The following KAT6B variants were observed in gnomAD, a reference collection of about 807,000 sequenced individuals.
KAT6B encodes the protein lysine acetyltransferase 6B, also known as histone acetyltransferase KAT6B.
KAT6B carries 10 observed loss-of-function variants against 187.5 expected under a neutral mutation model. The ratio of observed to expected loss-of-function variants is 0.05; its 90% CI spans 0.03 to 0.09. KAT6B has a LOEUF of 0.09. Among genes scored for constraint, KAT6B ranks in the 10% least tolerant of loss-of-function variants. The pLI is 1.00. For synonymous variants in KAT6B, 861 were observed against 926.8 expected, an observed-to-expected ratio of 0.93 and a Z score of 1.29; for missense variants, 1,952 against 2,558.9, an observed-to-expected ratio of 0.76 and a Z score of 5.12.
chr10:74,890,693 T>C (rs1303599104), intron 3 of KAT6B, among the ~76,000 whole-genome samples: 1 of 152,184 alleles, frequency 6.6e-6, no homozygotes, highest in Non-Finnish European at 1.5e-5. Context: ...GAGCTGAGAA[T>C]GCCAAGTTTA....
Position 75,020,661 on chromosome 10 carries a change from G to A in KAT6B, c.2709G>A (p.Leu903=), listed in dbSNP as rs2134153691. Residue 903 remains leucine (L), a synonymous_variant, in exon 14 of 18, where the codon CTG becomes CTA. Coordinates refer to ENST00000287239, the MANE Select transcript of KAT6B (RefSeq NM_012330.4). ...CCGATCTGGGCCGTCTCTCCTACCT[G>A]GCATATTGGAAGAGCGTCATCTTGG... is the stretch of plus-strand genomic sequence containing the variant. ...PLSDLGRLSY[L]AYWKSVILEY... is the part of the protein sequence containing the mutation. 7 of 1,614,188 alleles carry A rather than the reference G, an allele frequency of 4.3e-6. No homozygotes were observed. The highest frequency in any genetic ancestry group is 5.9e-6 in the Non-Finnish European group (7 of 1,180,026).
intron 3 of KAT6B, among the ~76,000 whole-genome samples, chr10:74,924,008 G>A (rs1848321836): frequency 6.6e-6 from 1 of 152,136 alleles, no homozygotes; most frequent in Admixed American, 6.5e-5. Context: ...TTTTGAAGTA[G>A]AGCCCGCAGA....
At chr10:74,958,112 G>T (rs868368080) in intron 3 of KAT6B, among the ~76,000 whole-genome samples, 1 of 152,224 alleles carries the variant, frequency 6.6e-6, no homozygotes, top group African/African-American at 2.4e-5. Context: ...TAAACAATTT[G>T]TGAATGTTTG....
chr10:75,008,734 T>C (rs903190128), intron 13 of KAT6B, among the ~76,000 whole-genome samples: 1 of 152,228 alleles, frequency 6.6e-6, no homozygotes, highest in African/African-American at 2.4e-5. Context: ...TGAATTTGTT[T>C]TAAACATTGT....
chr10:74,999,074 A>T (rs1181307307), intron 13 of KAT6B, among the ~76,000 whole-genome samples: 1 of 152,274 alleles, frequency 6.6e-6, no homozygotes, highest in Admixed American at 6.5e-5. Context: ...AGAATTACAG[A>T]TACTTTTTAT....
chr10:75,005,473 C>T (rs1410863541), intron 13 of KAT6B, among the ~76,000 whole-genome samples: 1 of 152,204 alleles, frequency 6.6e-6, no homozygotes, highest in Non-Finnish European at 1.5e-5. Flanking sequence ...CCACCTCAGC[C>T]TCCCAAAGTG....
intron 12 of KAT6B, among the ~76,000 whole-genome samples, chr10:74,987,736 A>G (rs986818884): frequency 6.6e-6 from 1 of 152,242 alleles, no homozygotes; most frequent in Non-Finnish European, 1.5e-5. Context: ...AAGAAGGATC[A>G]CTACTATGTT....
intron 3 of KAT6B, among the ~76,000 whole-genome samples, chr10:74,873,198 C>T (rs1320577781): frequency 6.6e-6 from 1 of 151,646 alleles, no homozygotes; most frequent in Non-Finnish European, 1.5e-5. Flanking sequence ...TGGTGGCTCA[C>T]GGCTATAATT....
chr10:74,842,307 T>A (rs961888939), intron 2 of KAT6B, among the ~76,000 whole-genome samples: 4 of 152,244 alleles, frequency 2.6e-5, no homozygotes, highest in African/African-American at 9.6e-5. Flanking sequence ...CAAACCACTT[T>A]CATATAATTT....
At chr10:74,869,421 C>G (rs547242021) in intron 3 of KAT6B, among the ~76,000 whole-genome samples, 2 of 152,098 alleles carry the variant, frequency 1.3e-5, no homozygotes, top group East Asian at 3.9e-4. Context: ...CTTCAGCCTC[C>G]CTTGTAGCTG....
intron 13 of KAT6B, among the ~76,000 whole-genome samples, chr10:75,010,768 T>C (rs1214236621): frequency 6.6e-6 from 1 of 152,200 alleles, no homozygotes; most frequent in East Asian, 1.9e-4. Context: ...TGACTAGATA[T>C]TAGAATGAAG....
At chr10:74,999,538 G>T (rs1243552238) in intron 13 of KAT6B, among the ~76,000 whole-genome samples, 1 of 152,212 alleles carries the variant, frequency 6.6e-6, no homozygotes, top group Non-Finnish European at 1.5e-5. Flanking sequence ...AAAGGGCCCA[G>T]AAGTCAGAAG....
intron 3 of KAT6B, among the ~76,000 whole-genome samples, chr10:74,919,861 C>A (rs1363253313): frequency 6.6e-6 from 1 of 152,126 alleles, no homozygotes; most frequent in Non-Finnish European, 1.5e-5. Flanking sequence ...TCTAATCTGT[C>A]ATTAGTTATA....
chr10:74,940,278 CT>C (rs988686640), intron 3 of KAT6B, among the ~76,000 whole-genome samples: 4,822 of 142,038 alleles, frequency 0.034, 76 homozygotes, highest in Non-Finnish European at 0.051. Context: ...TATTTTTCCC[CT>C]TTTTTTTTTT....
chr10:74,995,879 G>A (rs940166706), intron 13 of KAT6B, among the ~76,000 whole-genome samples: 28 of 152,202 alleles, frequency 1.8e-4, no homozygotes, highest in Admixed American at 1.8e-3. Context: ...TGTTTGGCTA[G>A]GTAATAAGTG....
intron 1 of KAT6B, among the ~76,000 whole-genome samples, chr10:74,837,488 A>G (rs1841388575): frequency 6.6e-6 from 1 of 152,226 alleles, no homozygotes; most frequent in Non-Finnish European, 1.5e-5. Context: ...TTGTGATAGA[A>G]TGTCCTATCT....
chr10:74,981,747 AATCT>A (rs981900047), intron 10 of KAT6B, 36 bp from the exon 11 acceptor site: 3 of 1,356,736 alleles, frequency 2.2e-6, no homozygotes, highest in African/African-American at 1.4e-5. Context: ...CCAACAGTAT[AATCT>A]ATCTGATAGA....
chr10:74,976,012 A>G lies in KAT6B; in HGVS notation c.1675A>G (p.Lys559Glu), dbSNP rs182593735. ...CTATACCACTCAGGGACAGTCTCGCAAAAAGGGACACCCGAGTTATGCACC... is the reference window on the plus strand; with the variant it reads ...CTATACCACTCAGGGACAGTCTCGCGAAAAGGGACACCCGAGTTATGCACC... ...HIYTTQGQSRKKGHPSYAPPK... is the reference protein window; with the variant it reads ...HIYTTQGQSREKGHPSYAPPK... The change falls in exon 8 of 18, where the codon AAA (lysine) becomes GAA (glutamate). Residue 559 changes from lysine to glutamate, a missense_variant. Coordinates refer to ENST00000287239, the MANE Select transcript of KAT6B (RefSeq NM_012330.4). 6.1e-5 allele frequency: 98 copies of G among 1,614,156 alleles called. No individual in the cohort carries two copies. The highest frequency in any genetic ancestry group is 8.2e-5 in the Non-Finnish European group (97 of 1,180,020).
At chr10:74,977,215 C>T (rs1842215196) in intron 8 of KAT6B, 101 bp from the exon 9 acceptor site, 1 of 1,272,550 alleles carries the variant, frequency 7.9e-7, no homozygotes, top group Non-Finnish European at 1.1e-6. Flanking sequence ...AAAAAAATCC[C>T]TATTTGCCCA....
Sources: allele counts gnomAD v4.1 joint callset (sites outside exome capture counted in the v4.1 genomes callset), GRCh38; gene constraint gnomAD v4.1.1; transcripts MANE v1.5; gene names NCBI Gene and HGNC (gene_info 2026-07-23, HGNC 2026-07-21).